Variants in ATG4D observed in about 807,000 individuals in gnomAD.
ATG4D encodes autophagy related 4D cysteine peptidase.
ATG4D carries 51 observed loss-of-function variants against 55.2 expected under a neutral mutation model. The observed-to-expected ratio is 0.92, with a 90% CI of 0.74 to 1.17. ATG4D has a LOEUF of 1.17. Among genes scored for constraint, ATG4D ranks in the 50% most tolerant of loss-of-function variants. The pLI is 0.00. For missense variants in ATG4D, 635 were observed against 649.6 expected, an observed-to-expected ratio of 0.98 and a Z score of 0.25; for synonymous variants, 268 against 266.2, an observed-to-expected ratio of 1.01 and a Z score of -0.07.
chr19:10,552,876 T>TC lies in ATG4D; in HGVS notation c.1243-6dup. The TC allele has an allele frequency of 6.2e-7, 1 of 1,601,818 alleles. No homozygotes were observed. ...TTTGTGGCTGACCCTGTCTCCCTCT[T>TC]CCCGCCAGGTCCTCAGCTCCTCCTC... On this transcript the variant is annotated splice_polypyrimidine_tract_variant and intron_variant, in intron 9 of 9. Coordinates refer to ENST00000309469, the MANE Select transcript of ATG4D (RefSeq NM_032885.6).
At position 10,545,142 on chromosome 19, in the gene ATG4D, G is replaced by C. The variant is rs373316663; in HGVS notation, c.493+12G>C. The C allele has an allele frequency of 2.5e-4, 409 of 1,606,098 alleles. No homozygotes were observed. The highest frequency in any genetic ancestry group is 5.9e-4 in the South Asian group (54 of 91,064). On this transcript the variant is annotated intron_variant, in intron 3 of 9. Coordinates refer to ENST00000309469, the MANE Select transcript of ATG4D (RefSeq NM_032885.6). ...TTTCCTGCCCAGAGGTGAGCCATAG[G>C]GGGGAAGGGGTGCACTAGGAGTACA... is the stretch of plus-strand genomic sequence containing the variant.
rs773535048 is a variant in ATG4D at position 10,553,000 on chromosome 19, G to C, written c.1358G>C (p.Arg453Pro). 3 of 1,613,176 alleles carry C rather than the reference G, an allele frequency of 1.9e-6. No individual in the cohort carries two copies. In the South Asian group the frequency reaches 3.3e-5, roughly 18 times the overall value. ...LCSQLAQPTLRLPRTGRLLRA... is the reference protein window; with the variant it reads ...LCSQLAQPTLPLPRTGRLLRA... The stretch of plus-strand genomic sequence containing the variant: ...TCCCAGCTCGCCCAGCCCACACTCC[G>C]GCTCCCTCGCACAGGGCGGCTCCTC... Residue 453 changes from arginine to proline, a missense_variant, in exon 10 of 10, where the codon CGG becomes CCG. By Grantham distance (103) the Arg-to-Pro change is moderately radical (BLOSUM62 -2). Transcript: ENST00000309469.
intron 5 of ATG4D, 100 bp from the exon 6 acceptor site, chr19:10,548,804 G>A (rs1460948916): frequency 6.6e-7 from 1 of 1,508,980 alleles, no homozygotes; most frequent in Non-Finnish European, 8.9e-7. Context: ...GTTGCCCTCT[G>A]AGAAATTGCA....
intron 6 of ATG4D, 66 bp from the exon 7 acceptor site, chr19:10,551,831 G>C: frequency 6.7e-7 from 1 of 1,496,492 alleles, no homozygotes; most frequent in Non-Finnish European, 9.3e-7. Flanking sequence ...TTCTCACAGA[G>C]GAGGTGTTTG....
Position 10,551,843 on chromosome 19 carries a change from C to T in ATG4D, c.967-54C>T, listed in dbSNP as rs539984119. The T allele has an allele frequency of 5.9e-4, 931 of 1,576,236 alleles. 18 individuals carry two copies. The South Asian group carries it at 9.4e-3, about 16-fold the overall frequency. ...GGGTTCTCACAGAGGAGGTGTTTGC[C>T]AAGCGTTTGTTGAGTGGCTGCCTGA... On this transcript the variant is annotated intron_variant, in intron 6 of 9. Transcript: ENST00000309469.
rs145807760 is a variant in ATG4D at position 10,547,235 on chromosome 19, G to C, written c.817G>C (p.Val273Leu). 1 of 1,613,756 alleles carries C rather than the reference G, an allele frequency of 6.2e-7. No homozygotes were observed. The highest frequency in any genetic ancestry group is 1.3e-5 in the African/African-American group (1 of 74,922). ...CGACGTCACCCGCCTGGTGGTGTAC[G>C]TTTCTCAGGACTGCACAGGTAAGGG... ...CSDVTRLVVY[V>L]SQDCTVYKAD... The change falls in exon 5 of 10, where the codon GTT becomes CTT. Residue 273 changes from valine (V) to leucine (L), a missense_variant. Transcript: ENST00000309469.
Position 10,544,236 on chromosome 19 carries a change from T to G in ATG4D, c.146T>G (p.Leu49Arg). Residue 49 changes from leucine to arginine, a missense_variant, in exon 1 of 10, where the codon CTT becomes CGT. Transcript: ENST00000309469. Reference sequence around the variant, plus strand: ...CCTTCCGGAGCCAGCGGCCCCGCTCTTGGCTCTCCCGGGGCTGGCCCGAGT... The same window carrying G: ...CCTTCCGGAGCCAGCGGCCCCGCTCGTGGCTCTCCCGGGGCTGGCCCGAGT... ...LGPSGASGPA[L>R]GSPGAGPSEP... The G allele has an allele frequency of 1.6e-6, 2 of 1,258,546 alleles. No homozygotes were observed. Among genetic ancestry groups the G allele is most frequent in the Non-Finnish European group, 2.0e-6 (2 of 993,510 alleles). The allele number at this position is 1,258,546 out of a possible 1,614,324, so 78.0% of individuals were successfully genotyped here. A position where few individuals can be genotyped will look rare whatever the true frequency, so the allele number is the denominator to read the frequency against.
At chr19:10,545,445 G>A (rs1290275826) in intron 3 of ATG4D, among the ~76,000 whole-genome samples, 3 of 149,284 alleles carry the variant, frequency 2.0e-5, no homozygotes, top group Admixed American at 6.7e-5. Context: ...GGTGGCACAC[G>A]CCTGTAATCC....
chr19:10,544,875 G>A lies in ATG4D; in HGVS notation c.319+9G>A, dbSNP rs773936906. ...CCGTTTCGAGGGCGAGGGTGAGCTG[G>A]TGGTTGGGACCAGGGCTGGGGGAGG... On this transcript the variant is annotated intron_variant, in intron 2 of 9. Coordinates refer to ENST00000309469, the MANE Select transcript of ATG4D (RefSeq NM_032885.6). 5 of 1,606,804 alleles carry A rather than the reference G, an allele frequency of 3.1e-6. No homozygotes were observed. The highest frequency in any genetic ancestry group is 2.2e-5 in the East Asian group (1 of 44,824).
In ATG4D at chr19:10,544,958, T is replaced by TGACATACAGTAC; in HGVS notation, c.330_331insTACGACATACAG (p.Gln110_Arg111insTyrAspIleGln). On this transcript the variant is annotated inframe_insertion and splice_region_variant, in exon 3 of 10. Coordinates refer to ENST00000309469, the MANE Select transcript of ATG4D (RefSeq NM_032885.6). ...CAGCTGACAGACCCGCTCTTGTAGG[T>TGACATACAGTAC]GACATACAGCGTTTCCAGCGGGACT... 6.3e-7 allele frequency: 1 copy of TGACATACAGTAC among 1,585,682 alleles called. No individual in the cohort carries two copies. Among genetic ancestry groups the TGACATACAGTAC allele is most frequent in the Admixed American group, 1.8e-5 (1 of 57,060 alleles).
intron 1 of ATG4D, among the ~76,000 whole-genome samples, chr19:10,544,556 C>T (rs1915970193): frequency 6.6e-6 from 1 of 152,154 alleles, no homozygotes; most frequent in Non-Finnish European, 1.5e-5. Context: ...CGTTTTTGCC[C>T]CTCTCTGTAA....
Position 10,553,019 on chromosome 19 carries a change from G to T in ATG4D, c.1377G>T (p.Arg459=), listed in dbSNP as rs201236999. The change falls in exon 10 of 10, where the codon CGG becomes CGT. Residue 459 remains arginine (R), a synonymous_variant. Transcript: ENST00000309469. ...CACTCCGGCTCCCTCGCACAGGGCG[G>T]CTCCTCAGGGCCAAACGCCCCAGCT... ...QPTLRLPRTG[R]LLRAKRPSSE... is the part of the protein sequence containing the mutation. 62 of 1,612,168 alleles carry T rather than the reference G, an allele frequency of 3.8e-5. 1 individual carries two copies. The Admixed American group carries it at 8.2e-4, about 21-fold the overall frequency.
intron 1 of ATG4D, among the ~76,000 whole-genome samples, 200 bp downstream of exon 1, chr19:10,544,525 T>G (rs1271933597): frequency 6.6e-6 from 1 of 152,104 alleles, no homozygotes; most frequent in Non-Finnish European, 1.5e-5. Flanking sequence ...TTGGGCAAGA[T>G]CCTTTGCTTC....
Position 10,553,237 on chromosome 19 carries a change from C to T in ATG4D, c.*170C>T, listed in dbSNP as rs907618714. 2 of 849,122 alleles carry T rather than the reference C, an allele frequency of 2.4e-6. No homozygotes were observed. Among genetic ancestry groups the T allele is most frequent in the African/African-American group, 3.4e-5 (2 of 58,660 alleles). 52.6% of individuals were successfully genotyped at this position (849,122 alleles called of 1,614,324 possible). A position where few individuals can be genotyped will look rare whatever the true frequency, so the allele number is the denominator to read the frequency against. The stretch of plus-strand genomic sequence containing the variant: ...CAGCCAGGGACAGAGCCCACAGAGC[C>T]CATACACCTGTCTCCCACCAGCGGG... On this transcript the variant is annotated 3_prime_UTR_variant, in exon 10 of 10. Transcript: ENST00000309469.
intron 9 of ATG4D, 61 bp from the exon 10 acceptor site, chr19:10,552,824 T>C: frequency 6.6e-7 from 1 of 1,518,774 alleles, no homozygotes; most frequent in South Asian, 1.2e-5. Context: ...TAAATAAACC[T>C]GGGCTAAGGA....
At position 10,553,219 on chromosome 19, in the gene ATG4D, G is replaced by A; in HGVS notation, c.*152G>A. The A allele has an allele frequency of 2.0e-6, 2 of 1,017,878 alleles. No individual in the cohort carries two copies. The highest frequency in any genetic ancestry group is 2.8e-6 in the Non-Finnish European group (2 of 721,470). The allele number at this position is 1,017,878 out of a possible 1,614,324, so 63.1% of individuals were successfully genotyped here. On this transcript the variant is annotated 3_prime_UTR_variant, in exon 10 of 10. Transcript: ENST00000309469. ...AACCAGTCTGGGGCCATTCAGCCAG[G>A]GACAGAGCCCACAGAGCCCATACAC...
In ATG4D at chr19:10,551,811, A is replaced by C. The variant is rs997914377; in HGVS notation, c.967-86A>C. 3.1e-6 allele frequency: 4 copies of C among 1,306,652 alleles called. No individual in the cohort carries two copies. In the South Asian group the frequency reaches 5.0e-5, roughly 16 times the overall value. 80.9% of individuals were successfully genotyped at this position (1,306,652 alleles called of 1,614,324 possible). A position where few individuals can be genotyped will look rare whatever the true frequency, so the allele number is the denominator to read the frequency against. ...GTGGTCTTGATCACTGCTGCCCTCC[A>C]GAGGCTGGGTTCTCACAGAGGAGGT... On this transcript the variant is annotated intron_variant, in intron 6 of 9. Coordinates refer to ENST00000309469, the MANE Select transcript of ATG4D (RefSeq NM_032885.6).
chr19:10,552,975 T>C lies in ATG4D; in HGVS notation c.1333T>C (p.Ser445Pro). The C allele has an allele frequency of 2.5e-6, 4 of 1,613,568 alleles. No homozygotes were observed. Among genetic ancestry groups the C allele is most frequent in the South Asian group, 1.1e-5 (1 of 91,074 alleles). ...AQDHSLDDLC[S>P]QLAQPTLRLP... Reference sequence around the variant, plus strand: ...GGACCACAGCCTGGACGACCTCTGCTCCCAGCTCGCCCAGCCCACACTCCG... The same window carrying C: ...GGACCACAGCCTGGACGACCTCTGCCCCCAGCTCGCCCAGCCCACACTCCG... The change falls in exon 10 of 10, where the codon TCC (serine) becomes CCC (proline). Residue 445 changes from serine (S) to proline (P), a missense_variant. Ser to Pro is a moderately conservative substitution (Grantham distance 74). Coordinates refer to ENST00000309469, the MANE Select transcript of ATG4D (RefSeq NM_032885.6).
chr19:10,550,269 A>G (rs1270539359), intron 6 of ATG4D, among the ~76,000 whole-genome samples: 1 of 151,962 alleles, frequency 6.6e-6, no homozygotes, highest in African/African-American at 2.4e-5. Context: ...CGGTCTCCCA[A>G]AGCGTTGGGA....
Sources: gnomAD v4.1 joint callset for allele counts (sites outside exome capture counted in the v4.1 genomes callset) on GRCh38, gnomAD v4.1.1 for gene constraint, MANE v1.5 for transcripts, NCBI Gene and HGNC (gene_info 2026-07-23, HGNC 2026-07-21) for gene names.